PTPRT: variants seen among roughly 807,000 people sequenced by gnomAD.
PTPRT encodes the protein protein tyrosine phosphatase receptor type T.
In PTPRT, 56 loss-of-function variants were observed where a neutral mutation model predicts 176.8. The observed-to-expected ratio is 0.32, with a 90% CI of 0.26 to 0.40. The LOEUF (loss-of-function observed/expected upper bound fraction) is 0.40, where lower values mean the gene tolerates loss of function less well. Ranked by LOEUF, PTPRT falls within the 10% of genes least tolerant of loss-of-function variation. PTPRT has a pLI of 1.00. For missense variants in PTPRT, 1,540 were observed against 1,908.2 expected (o/e 0.81, Z 3.60); for synonymous variants, 783 against 739.0 (o/e 1.06, Z -0.96).
In PTPRT at chr20:43,175,295, T is replaced by G. The variant is rs532426493; in HGVS notation, c.88+14351A>C. Among the ~76,000 whole-genome samples, 4 of 152,254 alleles carry G rather than the reference T, an allele frequency of 2.6e-5. No individual in the cohort carries two copies. The South Asian group carries it at 8.3e-4, about 31-fold the overall frequency. On this transcript the variant is annotated intron_variant, in intron 1 of 30. Coordinates refer to ENST00000373187, the MANE Select transcript of PTPRT (RefSeq NM_007050.6). The stretch of plus-strand genomic sequence containing the variant: ...CTGTGTCTGTGATAAAGTTCTCTAT[T>G]TCCCTTCTTCTGCATGATGCAGGGG...
intron 15 of PTPRT, among the ~76,000 whole-genome samples, chr20:42,228,984 T>G (rs1047980195): frequency 1.3e-5 from 2 of 152,178 alleles, no homozygotes; most frequent in South Asian, 4.1e-4. Context: ...TCCATGGAAA[T>G]TGGAGGGGGC....
chr20:43,140,475 T>TAC (rs2013969759), intron 1 of PTPRT, among the ~76,000 whole-genome samples: 1 of 146,376 alleles, frequency 6.8e-6, no homozygotes, highest in South Asian at 2.2e-4. Flanking sequence ...TGTGTGTGTG[T>TAC]GTGTGTGTGT....
intron 1 of PTPRT, among the ~76,000 whole-genome samples, chr20:42,980,948 G>A (rs1354341600): frequency 6.6e-6 from 1 of 152,180 alleles, no homozygotes; most frequent in Admixed American, 6.5e-5. Flanking sequence ...GTCTGCGGAA[G>A]AGTGGGAGCC....
intron 9 of PTPRT, among the ~76,000 whole-genome samples, chr20:42,424,356 T>A (rs1292387659): frequency 3.3e-5 from 5 of 152,300 alleles, no homozygotes; most frequent in Middle Eastern, 3.4e-3. Context: ...AAGGGCATTG[T>A]TATCCTAGGA....
At chr20:42,148,400 A>G (rs1220250924) in intron 17 of PTPRT, among the ~76,000 whole-genome samples, 1 of 151,768 alleles carries the variant, frequency 6.6e-6, no homozygotes, top group African/African-American at 2.4e-5. Context: ...GACTCATTTT[A>G]TAGATCAGCA....
chr20:42,381,084 G>C (rs2058694519), intron 9 of PTPRT, among the ~76,000 whole-genome samples: 1 of 152,082 alleles, frequency 6.6e-6, no homozygotes, highest in South Asian at 2.1e-4. Context: ...AGCACCAAGG[G>C]GATGTGGTGT....
At chr20:42,890,856 G>A (rs1381702759) in intron 1 of PTPRT, among the ~76,000 whole-genome samples, 1 of 152,142 alleles carries the variant, frequency 6.6e-6, no homozygotes, top group South Asian at 2.1e-4. Context: ...TTGTGGGAGG[G>A]ACCTGGTGGG....
At chr20:42,629,671 G>T (rs999748787) in intron 7 of PTPRT, among the ~76,000 whole-genome samples, 4 of 152,204 alleles carry the variant, frequency 2.6e-5, no homozygotes, top group Non-Finnish European at 5.9e-5. Flanking sequence ...AGAGTGCAAA[G>T]ATGTCTCCTG....
intron 1 of PTPRT, among the ~76,000 whole-genome samples, chr20:43,046,743 C>T (rs1014804790): frequency 1.3e-5 from 2 of 152,018 alleles, no homozygotes; most frequent in African/African-American, 4.8e-5. Flanking sequence ...CTAGAGACAC[C>T]CTGGGTTTCA....
At chr20:42,347,745 C>T (rs945868741) in intron 11 of PTPRT, among the ~76,000 whole-genome samples, 18 of 152,178 alleles carry the variant, frequency 1.2e-4, no homozygotes, top group Non-Finnish European at 2.4e-4. Flanking sequence ...AACCTGTCCC[C>T]GCCTCCAAAA....
intron 6 of PTPRT, among the ~76,000 whole-genome samples, chr20:42,680,446 G>A (rs1225991846): frequency 1.3e-5 from 2 of 152,166 alleles, no homozygotes; most frequent in South Asian, 2.1e-4. Flanking sequence ...AGCTAGGTTG[G>A]CAGGCAGATA....
intron 1 of PTPRT, chr20:42,971,456 A>G (rs541348438): frequency 6.6e-6 from 1 of 152,284 alleles, no homozygotes; most frequent in South Asian, 2.1e-4. Flanking sequence ...ACAGCTTCCT[A>G]CTTTACTTGG....
chr20:42,393,186 G>A (rs1270222371), intron 9 of PTPRT, among the ~76,000 whole-genome samples: 1 of 152,184 alleles, frequency 6.6e-6, no homozygotes, highest in African/African-American at 2.4e-5. Context: ...AGGGGAGAAG[G>A]CTGGGGGAAG....
chr20:42,590,009 A>G (rs974591752), intron 7 of PTPRT, among the ~76,000 whole-genome samples: 4 of 152,102 alleles, frequency 2.6e-5, no homozygotes, highest in African/African-American at 9.7e-5. Context: ...GGCTGGACCA[A>G]TGGAGTATGG....
At chr20:42,672,019 G>T (rs1182309679) in intron 7 of PTPRT, among the ~76,000 whole-genome samples, 2 of 152,150 alleles carry the variant, frequency 1.3e-5, no homozygotes, top group African/African-American at 2.4e-5. Flanking sequence ...AACATATTCA[G>T]ACCTGAGCTC....
chr20:42,593,495 T>C (rs1247646300), intron 7 of PTPRT, among the ~76,000 whole-genome samples: 1 of 152,196 alleles, frequency 6.6e-6, no homozygotes, highest in Non-Finnish European at 1.5e-5. Flanking sequence ...TGTAGCTTAC[T>C]TATTGCCATT....
intron 9 of PTPRT, among the ~76,000 whole-genome samples, chr20:42,378,072 T>C (rs2058667282): frequency 1.3e-5 from 2 of 152,322 alleles, no homozygotes; most frequent in South Asian, 4.1e-4. Flanking sequence ...ATCTCACTGG[T>C]TGAGAATTCA....
chr20:42,268,510 C>T (rs933102681), intron 13 of PTPRT, among the ~76,000 whole-genome samples: 2 of 152,198 alleles, frequency 1.3e-5, no homozygotes, highest in African/African-American at 2.4e-5. Context: ...TTTTCTCCCA[C>T]TGTCCATCTG....
intron 1 of PTPRT, among the ~76,000 whole-genome samples, chr20:43,171,393 C>A (rs541885579): frequency 6.6e-6 from 1 of 151,962 alleles, no homozygotes; most frequent in African/African-American, 2.4e-5. Context: ...GAACAAAATA[C>A]GGATGATTAT....
Sources: allele counts gnomAD v4.1 joint callset (sites outside exome capture counted in the v4.1 genomes callset), GRCh38; gene constraint gnomAD v4.1.1; transcripts MANE v1.5; gene names NCBI Gene and HGNC (gene_info 2026-07-23, HGNC 2026-07-21).